HMX1: variants seen among roughly 807,000 people sequenced by gnomAD.
HMX1 encodes the protein homeobox protein HMX1.
HMX1 carries 8 observed loss-of-function variants against 8.9 expected under a neutral mutation model. The ratio of observed to expected loss-of-function variants is 0.90; its 90% CI spans 0.53 to 1.63. The LOEUF is 1.63. Among genes scored for constraint, HMX1 ranks in the 40% most tolerant of loss-of-function variants. The pLI is 0.00. For missense variants in HMX1, 621 were observed against 558.5 expected (o/e 1.11, Z -1.13); for synonymous variants, 311 against 283.4 (o/e 1.10, Z -0.98).
chr4:8,853,321 A>C lies in HMX1; in HGVS notation c.395-6997T>G, dbSNP rs541636632. Among the ~76,000 whole-genome samples the C allele has an allele frequency of 1.3e-5, 2 of 152,258 alleles. No homozygotes were observed. Among genetic ancestry groups the C allele is most frequent in the South Asian group, 4.2e-4 (2 of 4,818 alleles). ...CGAGGCTCTGCTTTGCTGTAACTAAATTGTCCTCACCTGACCATCACAGCC... is the reference window on the plus strand; with the variant it reads ...CGAGGCTCTGCTTTGCTGTAACTAACTTGTCCTCACCTGACCATCACAGCC... On this transcript the variant is annotated intron_variant, in intron 1 of 1. Transcript: ENST00000506970. The surrounding 1 kb of genome is among the most constrained non-coding windows in gnomAD (Gnocchi z 4.7).
chr4:8,865,525 C>T (rs553242356), downstream of HMX1, among the ~76,000 whole-genome samples: 978 of 152,090 alleles, frequency 6.4e-3, 6 homozygotes, highest in Non-Finnish European at 0.01. Context: ...GTGCCCTGGC[C>T]CCTTTCCTGG....
At chr4:8,861,101 C>G (rs1425182290) in intron 1 of HMX1, among the ~76,000 whole-genome samples, 1 of 152,068 alleles carries the variant, frequency 6.6e-6, no homozygotes, top group Non-Finnish European at 1.5e-5. Context: ...GGGTCCCGGA[C>G]ACAGCGGAGC....
rs137941296 is a variant in HMX1, at chr4:8,849,076, G to A, written c.395-2752C>T. ...TCCTCCCCCTGCCCGCTGCTCCATCGTGGACGTCTTCTCTCAGAGCCTCGA... is the reference window on the plus strand; with the variant it reads ...TCCTCCCCCTGCCCGCTGCTCCATCATGGACGTCTTCTCTCAGAGCCTCGA... On this transcript the variant is annotated intron_variant, in intron 1 of 1. Transcript: ENST00000506970. The surrounding 1 kb of genome is among the most constrained non-coding windows in gnomAD (Gnocchi z 6.6). Among the ~76,000 whole-genome samples, 2,775 of 152,148 alleles carry A rather than the reference G, an allele frequency of 0.018. 34 individuals are homozygous for A. Among genetic ancestry groups the A allele is most frequent in the Non-Finnish European group, 0.026 (1,774 of 68,004 alleles).
In HMX1 at chr4:8,867,653, G is replaced by C. The variant is rs1181654796; in HGVS notation, c.*40C>G. The C allele has an allele frequency of 8.2e-7, 1 of 1,225,328 alleles. No homozygotes were observed. Among genetic ancestry groups the C allele is most frequent in the Non-Finnish European group, 1.0e-6 (1 of 982,890 alleles). The allele number at this position is 1,225,328 out of a possible 1,614,324, so 75.9% of individuals were successfully genotyped here. On this transcript the variant is annotated 3_prime_UTR_variant, in exon 2 of 2. Transcript: ENST00000400677. ...TGCCGCTGAATCGCGCGTCCACACA[G>C]GTCCACAGGGTCGTGGGGAGAGGGC...
At chr4:8,858,408 G>T (rs1447915349) in intron 1 of HMX1, among the ~76,000 whole-genome samples, 1 of 152,210 alleles carries the variant, frequency 6.6e-6, no homozygotes, top group African/African-American at 2.4e-5. Context: ...AATTTTCGCA[G>T]AAGAAAACAG....
intron 1 of HMX1, among the ~76,000 whole-genome samples, chr4:8,858,476 C>G (rs1170663694): frequency 6.6e-6 from 1 of 152,194 alleles, no homozygotes; most frequent in Non-Finnish European, 1.5e-5. Context: ...CAGGAACTAG[C>G]CAGAGCCCCA....
At chr4:8,861,178 C>T (rs967905410) in intron 1 of HMX1, among the ~76,000 whole-genome samples, 1 of 152,174 alleles carries the variant, frequency 6.6e-6, no homozygotes. Flanking sequence ...CGCCGCTGCC[C>T]TCCTCTACCT....
chr4:8,855,655 A>G (rs537840718), intron 1 of HMX1, among the ~76,000 whole-genome samples: 2 of 152,294 alleles, frequency 1.3e-5, no homozygotes, highest in East Asian at 3.9e-4. Flanking sequence ...CAGCCCAGGG[A>G]TGTGGCCAGG....
At position 8,871,185 on chromosome 4, in the gene HMX1, C is replaced by T; in HGVS notation, c.394+36G>A. On this transcript the variant is annotated intron_variant, in intron 1 of 1. Transcript: ENST00000400677. This position sits in a 1 kb window ranked among gnomAD's most constrained non-coding sequence, Gnocchi z 4.8. Reference sequence around the variant, plus strand: ...AATGCGCAGGGAGGAAGTCGGGCCCCACCGCCTGACCCACCCTCCCCGCGC... The same window carrying T: ...AATGCGCAGGGAGGAAGTCGGGCCCTACCGCCTGACCCACCCTCCCCGCGC... 2 of 1,378,114 alleles carry T rather than the reference C, an allele frequency of 1.5e-6. No individual in the cohort carries two copies. The highest frequency in any genetic ancestry group is 3.3e-5 in the Admixed American group (1 of 30,728). The allele number at this position is 1,378,114 out of a possible 1,614,324, so 85.4% of individuals were successfully genotyped here. A position where few individuals can be genotyped will look rare whatever the true frequency, so the allele number is the denominator to read the frequency against.
chr4:8,855,447 G>C (rs185288426), intron 1 of HMX1, among the ~76,000 whole-genome samples: 9 of 152,328 alleles, frequency 5.9e-5, no homozygotes, highest in African/African-American at 2.2e-4. Flanking sequence ...ATGCAAGGGA[G>C]GCAACGATGG....
chr4:8,857,000 C>A (rs1004850516), intron 1 of HMX1, among the ~76,000 whole-genome samples: 1 of 152,134 alleles, frequency 6.6e-6, no homozygotes, highest in African/African-American at 2.4e-5. Flanking sequence ...GGGAGGATCA[C>A]TCGAGCCCAG....
intron 1 of HMX1, among the ~76,000 whole-genome samples, chr4:8,850,213 C>T (rs1353501688): frequency 6.6e-6 from 1 of 152,116 alleles, no homozygotes; most frequent in African/African-American, 2.4e-5. Context: ...AGGTTCAGCC[C>T]AGCACCTGAC....
chr4:8,870,901 C>T lies in HMX1; in HGVS notation c.394+320G>A, dbSNP rs1316487194. On this transcript the variant is annotated intron_variant, in intron 1 of 1. Coordinates refer to ENST00000400677, the MANE Select transcript of HMX1 (RefSeq NM_018942.3). This position sits in a 1 kb window ranked among gnomAD's most constrained non-coding sequence, Gnocchi z 4.4. The stretch of plus-strand genomic sequence containing the variant: ...CGCCTTCTCCTGTATCTTTCCCTAT[C>T]CTCTTTCACTCTCCTTTCTTTTTTC... Among the ~76,000 whole-genome samples the T allele has an allele frequency of 6.6e-6, 1 of 151,174 alleles. No homozygotes were observed. Among genetic ancestry groups the T allele is most frequent in the African/African-American group, 2.4e-5 (1 of 41,130 alleles).
chr4:8,846,549 A>C (rs1002103150), intron 1 of HMX1, among the ~76,000 whole-genome samples: 2 of 152,202 alleles, frequency 1.3e-5, no homozygotes, highest in Admixed American at 1.3e-4. Flanking sequence ...CCCAGGTGTA[A>C]CAGGCTCCCC....
intron 1 of HMX1, among the ~76,000 whole-genome samples, chr4:8,851,002 C>T (rs78999997): frequency 0.021 from 3,227 of 152,360 alleles, 70 homozygotes; most frequent in South Asian, 0.084. Context: ...TCTGGGTCTT[C>T]GTGCCTAGCA....
downstream of HMX1, among the ~76,000 whole-genome samples, chr4:8,863,406 C>T (rs1055336404): frequency 2.0e-5 from 3 of 152,252 alleles, no homozygotes; most frequent in Admixed American, 6.5e-5. Context: ...CTCACCCAGC[C>T]AGAGTCCAGA....
chr4:8,867,791 G>T lies in HMX1; in HGVS notation c.949C>A (p.Leu317Met). ...GCGAGGGCCCCGGAGAAGCCGAGCA[G>T]CGGTGGGGGCGGCGCGGGCGCGGCG... ...APAAPAPPPPLLGFSGALAYP... is the reference protein window; with the variant it reads ...APAAPAPPPPMLGFSGALAYP... The change falls in exon 2 of 2, where the codon CTG (leucine) becomes ATG (methionine). Residue 317 changes from leucine to methionine, a missense_variant. Physicochemically the swap from Leu to Met is conservative, Grantham distance 15. Coordinates refer to ENST00000400677, the MANE Select transcript of HMX1 (RefSeq NM_018942.3). 1 of 1,241,882 alleles carries T rather than the reference G, an allele frequency of 8.1e-7. No homozygotes were observed. The highest frequency in any genetic ancestry group is 1.0e-6 in the Non-Finnish European group (1 of 996,570). 76.9% of individuals were successfully genotyped at this position (1,241,882 alleles called of 1,614,324 possible).
chr4:8,871,579 C>G lies in HMX1; in HGVS notation c.36G>C (p.Thr12=). Residue 12 remains threonine (T), a synonymous_variant, in exon 1 of 2, where the codon ACG becomes ACC. Transcript: ENST00000400677. This position sits in a 1 kb window ranked among gnomAD's most constrained non-coding sequence, Gnocchi z 4.8. The stretch of plus-strand genomic sequence containing the variant: ...TGAGGAAGGAGGAGGCGCGGGCCGG[C>G]GTGGCGCGCCCGGGCTCCGTCAGCT... ...PDELTEPGRA[T]PARASSFLIE... 2 of 1,346,978 alleles carry G rather than the reference C, an allele frequency of 1.5e-6. No individual in the cohort carries two copies. Among genetic ancestry groups the G allele is most frequent in the Non-Finnish European group, 1.9e-6 (2 of 1,046,154 alleles). 83.4% of individuals were successfully genotyped at this position (1,346,978 alleles called of 1,614,324 possible). A position where few individuals can be genotyped will look rare whatever the true frequency, so the allele number is the denominator to read the frequency against.
At chr4:8,854,840 T>C (rs1173370891) in intron 1 of HMX1, among the ~76,000 whole-genome samples, 2 of 152,238 alleles carry the variant, frequency 1.3e-5, no homozygotes, top group African/African-American at 4.8e-5. Flanking sequence ...TCAAACCATT[T>C]TGTAGCTATA....
Sources: gnomAD v4.1 joint callset for allele counts (sites outside exome capture counted in the v4.1 genomes callset) on GRCh38, gnomAD v4.1.1 for gene constraint, Gnocchi (gnomAD v3.1) non-coding constraint, MANE v1.5 for transcripts, NCBI Gene and HGNC (gene_info 2026-07-23, HGNC 2026-07-21) for gene names.